Variants in ACOXL observed in about 807,000 individuals in gnomAD.
The protein encoded by ACOXL is acyl-CoA oxidase like.
In ACOXL, 70 loss-of-function variants were observed where a neutral mutation model predicts 71.9. That is an observed-to-expected ratio of 0.97 (90% CI 0.80 to 1.19). ACOXL has a LOEUF of 1.19. ACOXL is among the 50% of genes most tolerant of loss of function. ACOXL has a pLI of 0.00. For missense variants in ACOXL, 703 were observed against 736.3 expected (o/e 0.95, Z 0.52); for synonymous variants, 253 against 281.6 (o/e 0.90, Z 1.02).
intron 9 of ACOXL, among the ~76,000 whole-genome samples, chr2:110,821,927 C>T (rs148465070): frequency 2.0e-4 from 30 of 151,970 alleles, no homozygotes; most frequent in African/African-American, 6.5e-4. Flanking sequence ...TGACATTCTT[C>T]TATCATTGTG....
At chr2:110,937,158 TG>T (rs1259404908) in intron 12 of ACOXL, among the ~76,000 whole-genome samples, 2 of 152,166 alleles carry the variant, frequency 1.3e-5, no homozygotes, top group African/African-American at 4.8e-5. Context: ...TCCTGGAGGA[TG>T]GCAGGGGTTT....
At chr2:110,800,511 A>T (rs1056478341) in intron 7 of ACOXL, among the ~76,000 whole-genome samples, 13 of 146,508 alleles carry the variant, frequency 8.9e-5, no homozygotes, top group East Asian at 5.9e-4. Context: ...TGATACATGA[A>T]TTTTTTTTTT....
chr2:110,804,277 A>C (rs927452338), intron 8 of ACOXL, among the ~76,000 whole-genome samples: 3 of 152,172 alleles, frequency 2.0e-5, no homozygotes, highest in Non-Finnish European at 4.4e-5. Context: ...ATAAGTCACC[A>C]TGCCCAACTG....
At chr2:111,050,411 C>T (rs772364541) in intron 16 of ACOXL, among the ~76,000 whole-genome samples, 7 of 152,096 alleles carry the variant, frequency 4.6e-5, no homozygotes, top group Non-Finnish European at 8.8e-5. Context: ...GGCACATGGG[C>T]GTTTCTTGTT....
At position 111,042,452 on chromosome 2, in the gene ACOXL, G is replaced by T. The variant is rs541769562; in HGVS notation, c.1370-6766G>T. ...GTGGTGTCACAGAAGACCCATTGGT[G>T]CTGGGTCTTGAAACATGCATAGGTT... is the stretch of plus-strand genomic sequence containing the variant. On this transcript the variant is annotated intron_variant, in intron 15 of 17. Transcript: ENST00000439055. Among the ~76,000 whole-genome samples, 4 of 152,370 alleles carry T rather than the reference G, an allele frequency of 2.6e-5. No homozygotes were observed. The East Asian group carries it at 7.7e-4, about 29-fold the overall frequency.
At chr2:110,849,474 T>C (rs1692331945) in intron 10 of ACOXL, among the ~76,000 whole-genome samples, 1 of 152,200 alleles carries the variant, frequency 6.6e-6, no homozygotes, top group African/African-American at 2.4e-5. Flanking sequence ...GCAAAAGACC[T>C]AGGCTGCGTG....
chr2:111,052,872 G>A (rs2066362015), intron 16 of ACOXL, among the ~76,000 whole-genome samples: 1 of 152,082 alleles, frequency 6.6e-6, no homozygotes, highest in Non-Finnish European at 1.5e-5. Flanking sequence ...TCTAGGAACT[G>A]TGGGGTAGTC....
At chr2:111,040,066 G>A (rs1410089096) in intron 15 of ACOXL, among the ~76,000 whole-genome samples, 1 of 152,190 alleles carries the variant, frequency 6.6e-6, no homozygotes. Flanking sequence ...CAGGCCATGG[G>A]CATGCAGTTG....
In ACOXL at chr2:110,933,651, C is replaced by G. The variant is rs773014623; in HGVS notation, c.1059+9C>G. On this transcript the variant is annotated intron_variant, in intron 12 of 17. Transcript: ENST00000439055. ...AGTGCACTGGAGGCATGGTGAGCCCCAAGGCCTGCAGCCCCCGTGGGTCCC... is the reference window on the plus strand; with the variant it reads ...AGTGCACTGGAGGCATGGTGAGCCCGAAGGCCTGCAGCCCCCGTGGGTCCC... The G allele has an allele frequency of 1.1e-5, 17 of 1,605,730 alleles. No individual in the cohort carries two copies. In the South Asian group the frequency reaches 1.9e-4, roughly 18 times the overall value.
intron 11 of ACOXL, among the ~76,000 whole-genome samples, chr2:110,911,002 A>G (rs530040056): frequency 1.3e-5 from 2 of 152,236 alleles, no homozygotes; most frequent in South Asian, 4.2e-4. Flanking sequence ...CTTTTCTAAG[A>G]CATTGCTATA....
chr2:110,985,873 C>T (rs1353288608), intron 12 of ACOXL, among the ~76,000 whole-genome samples: 1 of 152,176 alleles, frequency 6.6e-6, no homozygotes, highest in Admixed American at 6.5e-5. Flanking sequence ...CCTGGCTCTG[C>T]CCACCAATGC....
chr2:110,755,774 T>C lies in ACOXL; in HGVS notation c.-22-12594T>C, dbSNP rs191414394. The stretch of plus-strand genomic sequence containing the variant: ...AAACATTTATTTGAAATAGGTGTTA[T>C]TTTAACTTGGTTCAAAAGTCAGAAA... On this transcript the variant is annotated intron_variant, in intron 1 of 17. Coordinates refer to ENST00000439055, the MANE Select transcript of ACOXL (RefSeq NM_001142807.4). Among the ~76,000 whole-genome samples, 478 of 152,340 alleles carry C rather than the reference T, an allele frequency of 3.1e-3. 4 individuals are homozygous for C. Among genetic ancestry groups the C allele is most frequent in the African/African-American group, 0.01 (435 of 41,584 alleles).
At chr2:110,867,423 G>A (rs1449882983) in intron 10 of ACOXL, among the ~76,000 whole-genome samples, 12 of 152,168 alleles carry the variant, frequency 7.9e-5, no homozygotes, top group Non-Finnish European at 1.5e-5. Context: ...GCACACTTTG[G>A]CACTTCTGGA....
At chr2:110,798,396 A>G (rs1222296981) in intron 5 of ACOXL, among the ~76,000 whole-genome samples, 22 of 151,860 alleles carry the variant, frequency 1.4e-4, no homozygotes, top group Non-Finnish European at 5.9e-5. Flanking sequence ...AGCTGGGACT[A>G]CAGGCACCCG....
intron 12 of ACOXL, chr2:110,968,077 G>A (rs2062010161): frequency 2.9e-5 from 36 of 1,236,904 alleles, no homozygotes; most frequent in Non-Finnish European, 3.9e-5. Context: ...ATACGCACAC[G>A]AACTGCCAAA....
At chr2:111,095,270 C>T (rs970983090) in intron 17 of ACOXL, among the ~76,000 whole-genome samples, 1 of 149,988 alleles carries the variant, frequency 6.7e-6, no homozygotes, top group Non-Finnish European at 1.5e-5. Context: ...ATCTGTGCCA[C>T]CAGGTATTTC....
At chr2:111,024,114 G>A (rs1558881405) in intron 14 of ACOXL, among the ~76,000 whole-genome samples, 1 of 152,160 alleles carries the variant, frequency 6.6e-6, no homozygotes, top group East Asian at 1.9e-4. Context: ...CCCCCAATGA[G>A]AAGACAGAGG....
At chr2:110,872,485 G>A (rs1261109789) in intron 10 of ACOXL, among the ~76,000 whole-genome samples, 3 of 152,186 alleles carry the variant, frequency 2.0e-5, no homozygotes, top group African/African-American at 7.2e-5. Context: ...CCGTCTCCTG[G>A]GGGTCTCCCA....
At chr2:110,785,600 C>T (rs1440475237) in intron 3 of ACOXL, among the ~76,000 whole-genome samples, 1 of 152,064 alleles carries the variant, frequency 6.6e-6, no homozygotes, top group Non-Finnish European at 1.5e-5. Flanking sequence ...AATGACATAG[C>T]AATGGAAGAT....
Sources: allele counts gnomAD v4.1 joint callset (sites outside exome capture counted in the v4.1 genomes callset), GRCh38; gene constraint gnomAD v4.1.1; transcripts MANE v1.5; gene names NCBI Gene and HGNC (gene_info 2026-07-23, HGNC 2026-07-21).